The following KIF6 variants were observed in gnomAD, a reference collection of about 807,000 sequenced individuals.
The protein encoded by KIF6 is kinesin family member 6, also known as kinesin-like protein KIF6.
Under a neutral mutation model 112.7 loss-of-function variants are expected in KIF6, and 106 were observed. The ratio of observed to expected loss-of-function variants is 0.94; its 90% CI spans 0.80 to 1.11. KIF6 has a LOEUF of 1.11. Ranked by LOEUF, KIF6 falls within the 50% of genes least tolerant of loss-of-function variation. KIF6 has a pLI of 0.00. For synonymous variants in KIF6, 339 were observed against 339.9 expected, an observed-to-expected ratio of 1.00 and a Z score of 0.03; for missense variants, 929 against 964.0, an observed-to-expected ratio of 0.96 and a Z score of 0.48.
intron 12 of KIF6, among the ~76,000 whole-genome samples, chr6:39,542,618 CA>C (rs1284092828): frequency 1.3e-5 from 2 of 152,168 alleles, no homozygotes; most frequent in Non-Finnish European, 2.9e-5. Flanking sequence ...TGTGAGATTT[CA>C]GGAGGTTTTC....
intron 18 of KIF6, among the ~76,000 whole-genome samples, chr6:39,357,989 T>C (rs1291330301): frequency 6.6e-6 from 1 of 152,256 alleles, no homozygotes; most frequent in Non-Finnish European, 1.5e-5. Context: ...TAAAATGTTA[T>C]CTTCATTCTT....
At chr6:39,618,737 T>G (rs1582284946) in intron 5 of KIF6, among the ~76,000 whole-genome samples, 1 of 152,104 alleles carries the variant, frequency 6.6e-6, no homozygotes, top group African/African-American at 2.4e-5. Flanking sequence ...ATAACAGACG[T>G]CCCCAGTCTC....
chr6:39,709,038 C>T (rs1789378479), intron 3 of KIF6, among the ~76,000 whole-genome samples: 1 of 152,066 alleles, frequency 6.6e-6, no homozygotes, highest in Admixed American at 6.6e-5. Flanking sequence ...GCAGTTTTGA[C>T]AATGTTACTA....
intron 3 of KIF6, among the ~76,000 whole-genome samples, chr6:39,685,356 C>G (rs1787795817): frequency 6.6e-6 from 1 of 152,196 alleles, no homozygotes; most frequent in Non-Finnish European, 1.5e-5. Flanking sequence ...GGTGCAGATG[C>G]AGGCTGGCAG....
intron 3 of KIF6, among the ~76,000 whole-genome samples, chr6:39,649,774 A>AAAGAAAGAAAGAAAGAAAGAAAGG (rs1554140924): frequency 2.1e-4 from 21 of 98,214 alleles, no homozygotes; most frequent in African/African-American, 7.9e-4. Context: ...AGAAAGAAAG[A>AAAGAAAGAAAGAAAGAAAGAAAGG]AAAGAAACTA....
chr6:39,350,457 T>C (rs1441414775), intron 19 of KIF6, among the ~76,000 whole-genome samples: 1 of 152,098 alleles, frequency 6.6e-6, no homozygotes, highest in Non-Finnish European at 1.5e-5. Flanking sequence ...TGAGCCTGAA[T>C]TTTTTCACCT....
At chr6:39,560,868 G>A (rs1458121628) in intron 10 of KIF6, among the ~76,000 whole-genome samples, 1 of 152,140 alleles carries the variant, frequency 6.6e-6, no homozygotes, top group Non-Finnish European at 1.5e-5. Flanking sequence ...CATTGGCTGA[G>A]CATTTTCTGA....
intron 10 of KIF6, among the ~76,000 whole-genome samples, chr6:39,569,596 T>C (rs954624506): frequency 4.6e-5 from 7 of 152,260 alleles, no homozygotes; most frequent in Non-Finnish European, 8.8e-5. Flanking sequence ...TTAAATATGG[T>C]GGAAATGGCT....
intron 10 of KIF6, among the ~76,000 whole-genome samples, chr6:39,551,061 C>T (rs553795312): frequency 6.1e-4 from 93 of 152,132 alleles, no homozygotes; most frequent in Non-Finnish European, 1.2e-3. Context: ...TATGGGAGTG[C>T]GGATATCTCT....
chr6:39,510,474 T>A (rs558642689), intron 13 of KIF6, among the ~76,000 whole-genome samples: 3 of 152,022 alleles, frequency 2.0e-5, no homozygotes, highest in African/African-American at 4.8e-5. Context: ...AGAAATAAAA[T>A]CCTTTACAGA....
chr6:39,557,517 A>G (rs1037373429), intron 10 of KIF6, among the ~76,000 whole-genome samples: 9 of 152,170 alleles, frequency 5.9e-5, no homozygotes, highest in Non-Finnish European at 1.2e-4. Flanking sequence ...ACATACTGGG[A>G]GTTTTAGTAT....
chr6:39,543,845 C>T (rs1379256852), intron 12 of KIF6, among the ~76,000 whole-genome samples: 1 of 152,190 alleles, frequency 6.6e-6, no homozygotes, highest in African/African-American at 2.4e-5. Flanking sequence ...GCAGCACATG[C>T]TCCCATGGGC....
chr6:39,349,929 G>A (rs1309561839), intron 19 of KIF6, among the ~76,000 whole-genome samples: 1 of 152,080 alleles, frequency 6.6e-6, no homozygotes, highest in Non-Finnish European at 1.5e-5. Flanking sequence ...ACAGGTGTGA[G>A]CCATCATCCC....
At chr6:39,420,904 T>C (rs1770315353) in intron 14 of KIF6, among the ~76,000 whole-genome samples, 1 of 152,156 alleles carries the variant, frequency 6.6e-6, no homozygotes, top group Non-Finnish European at 1.5e-5. Flanking sequence ...TAATGTTTAG[T>C]GAGTGATTCC....
intron 19 of KIF6, among the ~76,000 whole-genome samples, chr6:39,356,243 A>T (rs555768091): frequency 1.3e-5 from 2 of 149,634 alleles, no homozygotes; most frequent in African/African-American, 4.9e-5. Context: ...CTCTTATCAC[A>T]TCATATCATG....
chr6:39,482,357 A>C (rs1463421375), intron 13 of KIF6, among the ~76,000 whole-genome samples: 1 of 152,180 alleles, frequency 6.6e-6, no homozygotes, highest in African/African-American at 2.4e-5. Context: ...AGATGATGGA[A>C]GAGCTGTGAG....
chr6:39,345,850 A>G, intron 20 of KIF6, 61 bp from the exon 21 acceptor site: 1 of 1,242,476 alleles, frequency 8.0e-7, no homozygotes, highest in Non-Finnish European at 1.2e-6. Flanking sequence ...AAGGAAATTC[A>G]GGGTTTATAT....
intron 14 of KIF6, among the ~76,000 whole-genome samples, chr6:39,428,567 C>T (rs543682333): frequency 9.2e-5 from 14 of 152,244 alleles, no homozygotes; most frequent in African/African-American, 2.6e-4. Flanking sequence ...TTGTTTTATT[C>T]GTTTATTCAT....
In KIF6 at chr6:39,639,756, C is replaced by A; in HGVS notation, c.253G>T (p.Val85Phe). 6.2e-7 allele frequency: 1 copy of A among 1,608,082 alleles called. No individual in the cohort carries two copies. The highest frequency in any genetic ancestry group is 8.5e-7 in the Non-Finnish European group (1 of 1,177,688). Residue 85 changes from valine (V) to phenylalanine (F), a missense_variant and splice_region_variant, in exon 4 of 23, where the codon GTC becomes TTC. By Grantham distance (50) the Val-to-Phe change is conservative. This residue lies in a region of KIF6 where 688 missense variants were observed against 662.7 expected (regional missense o/e 1.04). Coordinates refer to ENST00000287152, the MANE Select transcript of KIF6 (RefSeq NM_145027.6). ...ATGGTACCATTGTAACCTGCCAGGA[C>A]ACTGCAATAAAGAAATGACACACTT... ...ENIAKPVAGS[V>F]LAGYNGTIFA...
Sources: allele counts gnomAD v4.1 joint callset (sites outside exome capture counted in the v4.1 genomes callset), GRCh38; gene constraint gnomAD v4.1.1; regional missense constraint gnomAD v4.1.1; transcripts MANE v1.5; gene names NCBI Gene and HGNC (gene_info 2026-07-23, HGNC 2026-07-21).